The following EEPD1 variants were observed in gnomAD, a reference collection of about 807,000 sequenced individuals.
EEPD1 encodes the protein endonuclease/exonuclease/phosphatase family domain-containing protein 1.
In EEPD1, 17 loss-of-function variants were observed where a neutral mutation model predicts 46.3. That is an observed-to-expected ratio of 0.37 (90% CI 0.25 to 0.55). The LOEUF (loss-of-function observed/expected upper bound fraction) is 0.55, where lower values mean the gene tolerates loss of function less well. EEPD1 is among the 20% of genes least tolerant of loss of function. The probability of loss-of-function intolerance (pLI) is 0.83; values close to 1 mark genes in which losing one functional copy is unlikely to be tolerated. For synonymous variants in EEPD1, 313 were observed against 315.6 expected, an observed-to-expected ratio of 0.99 and a Z score of 0.09; for missense variants, 673 against 745.6, an observed-to-expected ratio of 0.90 and a Z score of 1.13.
intron 2 of EEPD1, among the ~76,000 whole-genome samples, chr7:36,189,654 C>A (rs1287246059): frequency 8.5e-5 from 13 of 152,108 alleles, no homozygotes; most frequent in African/African-American, 2.9e-4. Context: ...ATGGCCCTGT[C>A]CCTGCCCAGA....
intron 2 of EEPD1, among the ~76,000 whole-genome samples, chr7:36,160,678 G>GTGGC (rs201394247): frequency 5.5e-5 from 8 of 145,234 alleles, no homozygotes; most frequent in African/African-American, 2.1e-4. Context: ...GGAGGTGGTG[G>GTGGC]GGGGCGGGGC....
intron 2 of EEPD1, among the ~76,000 whole-genome samples, chr7:36,179,527 C>G (rs1236433738): frequency 6.6e-6 from 1 of 151,628 alleles, no homozygotes; most frequent in Non-Finnish European, 1.5e-5. Flanking sequence ...TCGAGACCAG[C>G]CTGGCCAAGA....
At position 36,228,673 on chromosome 7, in the gene EEPD1, A is replaced by G. The variant is rs550531928; in HGVS notation, c.879-10312A>G. Reference sequence around the variant, plus strand: ...ATTAAGTCCTCCTCAACCACCTACAATAATGGATAGGATTGTGATAGATAG... The same window carrying G: ...ATTAAGTCCTCCTCAACCACCTACAGTAATGGATAGGATTGTGATAGATAG... On this transcript the variant is annotated intron_variant, in intron 2 of 7. Coordinates refer to ENST00000242108, the MANE Select transcript of EEPD1 (RefSeq NM_030636.3). The G allele has an allele frequency of 4.3e-4, 65 of 152,328 alleles. 1 individual carries two copies. Among genetic ancestry groups the G allele is most frequent in the African/African-American group, 1.5e-3 (63 of 41,572 alleles). 9.4% of individuals were successfully genotyped at this position (152,328 alleles called of 1,614,324 possible).
At chr7:36,257,993 C>T (rs1197071383) in intron 3 of EEPD1, among the ~76,000 whole-genome samples, 1 of 152,108 alleles carries the variant, frequency 6.6e-6, no homozygotes, top group Non-Finnish European at 1.5e-5. Flanking sequence ...TGGTGGTGAC[C>T]TTCAGATGGG....
chr7:36,241,824 C>T (rs1786558313), intron 3 of EEPD1, among the ~76,000 whole-genome samples: 2 of 152,170 alleles, frequency 1.3e-5, no homozygotes. Flanking sequence ...GCCGAGATTG[C>T]GCCATTGCAC....
Position 36,236,380 on chromosome 7 carries a change from G to A in EEPD1, c.879-2605G>A, listed in dbSNP as rs774070047. The stretch of plus-strand genomic sequence containing the variant: ...AGCCCCGCACTAGGCGCCGCCGGCC[G>A]GCACTTGCTGGGCTTGATCGGAGGC... On this transcript the variant is annotated intron_variant, in intron 2 of 7. Coordinates refer to ENST00000242108, the MANE Select transcript of EEPD1 (RefSeq NM_030636.3). Among the ~76,000 whole-genome samples, 3 of 152,346 alleles carry A rather than the reference G, an allele frequency of 2.0e-5. No individual in the cohort carries two copies. In the East Asian group the frequency reaches 5.8e-4, roughly 29 times the overall value.
At chr7:36,155,589 G>A (rs937457253) in intron 2 of EEPD1, among the ~76,000 whole-genome samples, 7 of 151,990 alleles carry the variant, frequency 4.6e-5, no homozygotes, top group African/African-American at 1.7e-4. Flanking sequence ...TTAATGGGAG[G>A]GAAAATCATA....
chr7:36,156,530 G>A (rs1882058), intron 2 of EEPD1, among the ~76,000 whole-genome samples: 40,624 of 151,986 alleles, frequency 0.27, 5,469 homozygotes, highest in African/African-American at 0.31. Context: ...CAGCATGGGC[G>A]TGTGAATGGG....
At chr7:36,223,288 G>A (rs1786179177) in intron 2 of EEPD1, among the ~76,000 whole-genome samples, 1 of 152,042 alleles carries the variant, frequency 6.6e-6, no homozygotes, top group Admixed American at 6.6e-5. Flanking sequence ...GGTGTGCAAG[G>A]GCTCTTGGGA....
chr7:36,297,728 G>T (rs1162949338), intron 7 of EEPD1, among the ~76,000 whole-genome samples: 2 of 152,232 alleles, frequency 1.3e-5, no homozygotes, highest in Admixed American at 1.3e-4. Flanking sequence ...CTCATATAGT[G>T]TCACAATGGG....
At chr7:36,242,768 CAAAAA>C (rs34909516) in intron 3 of EEPD1, among the ~76,000 whole-genome samples, 16 of 85,366 alleles carry the variant, frequency 1.9e-4, no homozygotes, top group African/African-American at 7.0e-4. Flanking sequence ...AATAAAAATA[CAAAAA>C]AAAAAAAAAA....
chr7:36,283,060 C>T (rs910842416), intron 4 of EEPD1, among the ~76,000 whole-genome samples: 6 of 152,216 alleles, frequency 3.9e-5, no homozygotes, highest in East Asian at 1.9e-4. Flanking sequence ...AGGGCTTACA[C>T]GATAGCCAGA....
intron 3 of EEPD1, among the ~76,000 whole-genome samples, chr7:36,278,795 A>G (rs1452610578): frequency 6.6e-6 from 1 of 152,144 alleles, no homozygotes; most frequent in Non-Finnish European, 1.5e-5. Context: ...TTTATTTCCC[A>G]TCTGAGGATG....
chr7:36,222,091 C>T (rs1786155687), intron 2 of EEPD1, among the ~76,000 whole-genome samples: 1 of 152,176 alleles, frequency 6.6e-6, no homozygotes, highest in Non-Finnish European at 1.5e-5. Flanking sequence ...AGCCAACCCG[C>T]CCTCCCCTGC....
chr7:36,298,349 C>T (rs766809033), intron 7 of EEPD1, among the ~76,000 whole-genome samples: 21 of 152,150 alleles, frequency 1.4e-4, no homozygotes, highest in Admixed American at 2.6e-4. Flanking sequence ...GAGTTGCCCC[C>T]GCTACAGAAT....
At chr7:36,172,345 G>A (rs189849657) in intron 2 of EEPD1, among the ~76,000 whole-genome samples, 51 of 152,314 alleles carry the variant, frequency 3.3e-4, no homozygotes, top group African/African-American at 1.2e-3. Flanking sequence ...CCTGAGAGAA[G>A]GAATGCTTTC....
At chr7:36,159,312 G>T (rs1344610694) in intron 2 of EEPD1, among the ~76,000 whole-genome samples, 1 of 152,216 alleles carries the variant, frequency 6.6e-6, no homozygotes, top group Non-Finnish European at 1.5e-5. Context: ...GTCAAAAGGA[G>T]TGATTGATAC....
At chr7:36,176,756 GATCCTAGATAAACCACCA>G (rs1785186972) in intron 2 of EEPD1, among the ~76,000 whole-genome samples, 1 of 152,032 alleles carries the variant, frequency 6.6e-6, no homozygotes, top group Non-Finnish European at 1.5e-5. Context: ...TTATAAATAC[GATCCTAGATAAACCACCA>G]ATGCCAAAAG....
rs1474708545 is a variant in EEPD1 at position 36,301,045 on chromosome 7, C to T, written c.*1839C>T. On this transcript the variant is annotated 3_prime_UTR_variant, in exon 8 of 8. Transcript: ENST00000242108. ...TTCACCAGCCGGATGTCCCAAATCCCTTTAGCCAGATTGCTTTTTGCAACC... is the reference window on the plus strand; with the variant it reads ...TTCACCAGCCGGATGTCCCAAATCCTTTTAGCCAGATTGCTTTTTGCAACC... 6.6e-6 allele frequency: 1 copy of T among 152,250 alleles called. No homozygotes were observed. Among genetic ancestry groups the T allele is most frequent in the Non-Finnish European group, 1.5e-5 (1 of 68,058 alleles). 9.4% of individuals were successfully genotyped at this position (152,250 alleles called of 1,614,324 possible).
Sources: allele counts gnomAD v4.1 joint callset (sites outside exome capture counted in the v4.1 genomes callset), GRCh38; gene constraint gnomAD v4.1.1; transcripts MANE v1.5; gene names NCBI Gene and HGNC (gene_info 2026-07-23, HGNC 2026-07-21).